STOM: variants seen among roughly 807,000 people sequenced by gnomAD.
The protein encoded by STOM is stomatin.
In STOM, 25 loss-of-function variants were observed where a neutral mutation model predicts 30.6. The ratio of observed to expected loss-of-function variants is 0.82; its 90% CI spans 0.60 to 1.14. The LOEUF is 1.14. Among genes scored for constraint, STOM ranks in the 50% most tolerant of loss-of-function variants. STOM has a pLI of 0.00. For synonymous variants in STOM, 118 were observed against 130.8 expected (o/e 0.90, Z 0.67); for missense variants, 292 against 365.2 (o/e 0.80, Z 1.63).
Position 121,340,442 on chromosome 9 carries a change from T to A in STOM, c.*760A>T. On this transcript the variant is annotated 3_prime_UTR_variant, in exon 7 of 7. Coordinates refer to ENST00000286713, the MANE Select transcript of STOM (RefSeq NM_004099.6). ...ATGAACATTAGGGAAATTTCCTTAA[T>A]TAAGACTCTCCAAACCAGGTGTGGT... is the stretch of plus-strand genomic sequence containing the variant. 4.1e-6 allele frequency: 4 copies of A among 985,396 alleles called. No individual in the cohort carries two copies. Among genetic ancestry groups the A allele is most frequent in the Non-Finnish European group, 4.8e-6 (4 of 829,934 alleles). The allele number at this position is 985,396 out of a possible 1,614,324, so 61.0% of individuals were successfully genotyped here.
chr9:121,339,802 G>A lies in STOM; in HGVS notation c.*1400C>T. 4 of 1,213,740 alleles carry A rather than the reference G, an allele frequency of 3.3e-6. No individual in the cohort carries two copies. In the South Asian group the frequency reaches 1.7e-4, roughly 52 times the overall value. The allele number at this position is 1,213,740 out of a possible 1,614,324, so 75.2% of individuals were successfully genotyped here. A position where few individuals can be genotyped will look rare whatever the true frequency, so the allele number is the denominator to read the frequency against. On this transcript the variant is annotated 3_prime_UTR_variant, in exon 7 of 7. Transcript: ENST00000286713. Reference sequence around the variant, plus strand: ...TTCCTCTTTCAGCATCAATATACATGATAGAAGAATGACTAGGTAAATTTA... The same window carrying A: ...TTCCTCTTTCAGCATCAATATACATAATAGAAGAATGACTAGGTAAATTTA...
Position 121,365,788 on chromosome 9 carries a change from CTTGACACTTAGGAAGTA to C in STOM, c.61+4322_61+4338del, listed in dbSNP as rs2064497451. ...ATAAAACGAGAAAATATGTAAAGGG[CTTGACACTTAGGAAGTA>C]TTCAACAAGCAGTAGCCATTATTAT... On this transcript the variant is annotated intron_variant, in intron 1 of 6. Coordinates refer to ENST00000286713, the MANE Select transcript of STOM (RefSeq NM_004099.6). 2.0e-5 allele frequency among the ~76,000 whole-genome samples: 3 copies of C among 152,234 alleles called. No homozygotes were observed. The South Asian group carries it at 6.2e-4, about 32-fold the overall frequency.
chr9:121,356,247 G>A (rs755240923), intron 1 of STOM, 91 bp from the exon 2 acceptor site: 3 of 1,035,248 alleles, frequency 2.9e-6, no homozygotes, highest in Non-Finnish European at 4.3e-6. Context: ...ATACCTATGT[G>A]CTTGGCACTA....
At chr9:121,359,145 T>A (rs536864702) in intron 1 of STOM, among the ~76,000 whole-genome samples, 13 of 152,290 alleles carry the variant, frequency 8.5e-5, no homozygotes, top group African/African-American at 2.9e-4. Context: ...AGAAAAGGTA[T>A]GCCAGGCACA....
rs1398082244 is a variant in STOM at position 121,339,507 on chromosome 9, G to C, written c.*1695C>G. The stretch of plus-strand genomic sequence containing the variant: ...TTCCTAAAATAAGCTTGAAATTGGG[G>C]TACAGGGGAAGGGACATCCATTGGC... On this transcript the variant is annotated 3_prime_UTR_variant, in exon 7 of 7. Transcript: ENST00000286713. The C allele has an allele frequency of 4.9e-6, 6 of 1,222,986 alleles. No homozygotes were observed. The highest frequency in any genetic ancestry group is 8.5e-5 in the South Asian group (2 of 23,458). 75.8% of individuals were successfully genotyped at this position (1,222,986 alleles called of 1,614,324 possible).
Position 121,341,103 on chromosome 9 carries a change from T to C in STOM, c.*99A>G. 1.3e-6 allele frequency: 2 copies of C among 1,576,152 alleles called. No homozygotes were observed. Among genetic ancestry groups the C allele is most frequent in the Non-Finnish European group, 1.7e-6 (2 of 1,160,604 alleles). ...GCTATACATTCTGGGAACACCACAA[T>C]TGACATATGGAAAAAGAAAAGCCCT... On this transcript the variant is annotated 3_prime_UTR_variant, in exon 7 of 7. Transcript: ENST00000286713.
intron 1 of STOM, among the ~76,000 whole-genome samples, chr9:121,360,265 CTT>C (rs1193780785): frequency 6.6e-6 from 1 of 152,080 alleles, no homozygotes; most frequent in African/African-American, 2.4e-5. Flanking sequence ...TCTTATGGCA[CTT>C]ATATCTTGTC....
rs1368537137 is a variant in STOM at position 121,353,303 on chromosome 9, C to T, written c.239-1G>A. On this transcript the variant is annotated splice_acceptor_variant, in intron 3 of 6. Coordinates refer to ENST00000286713, the MANE Select transcript of STOM (RefSeq NM_004099.6). LOFTEE classifies it high-confidence loss of function. ...GTGCATGGCAGAATAAAAAACAAAC[C>T]TGCAACAAAGATACACACATTATAC... is the stretch of plus-strand genomic sequence containing the variant. The T allele has an allele frequency of 1.9e-6, 3 of 1,600,536 alleles. No homozygotes were observed. Among genetic ancestry groups the T allele is most frequent in the South Asian group, 2.2e-5 (2 of 89,520 alleles).
intron 4 of STOM, 117 bp from the exon 5 acceptor site, chr9:121,349,440 T>C: frequency 1.3e-6 from 1 of 755,822 alleles, no homozygotes; most frequent in East Asian, 2.7e-5. Flanking sequence ...TAGTAAGGCA[T>C]CAGAAAGTTA....
At position 121,339,527 on chromosome 9, in the gene STOM, AT is replaced by A; in HGVS notation, c.*1674del. 4 of 1,229,276 alleles carry A rather than the reference AT, an allele frequency of 3.3e-6. No individual in the cohort carries two copies. Among genetic ancestry groups the A allele is most frequent in the Non-Finnish European group, 4.1e-6 (4 of 986,632 alleles). The allele number at this position is 1,229,276 out of a possible 1,614,324, so 76.1% of individuals were successfully genotyped here. On this transcript the variant is annotated 3_prime_UTR_variant, in exon 7 of 7. Coordinates refer to ENST00000286713, the MANE Select transcript of STOM (RefSeq NM_004099.6). The stretch of plus-strand genomic sequence containing the variant: ...TTGGGGTACAGGGGAAGGGACATCC[AT>A]TGGCTGGATGGACAGAGTGGTTGAG...
chr9:121,348,104 G>T lies in STOM; in HGVS notation c.571C>A (p.Arg191Ser), dbSNP rs766711234. 6.2e-7 allele frequency: 1 copy of T among 1,614,194 alleles called. No individual in the cohort carries two copies. Among genetic ancestry groups the T allele is most frequent in the East Asian group, 2.2e-5 (1 of 44,880 alleles). ...ATDAWGIKVE[R>S]VEIKDVKLPV... ...AGTTTCACATCCTTAATTTCCACAC[G>T]CTCCACCTTTATTCCCCAGGCATCA... The change falls in exon 6 of 7, where the codon CGT becomes AGT. Residue 191 changes from arginine to serine, a missense_variant. Transcript: ENST00000286713.
chr9:121,359,523 C>T (rs1244957631), intron 1 of STOM, among the ~76,000 whole-genome samples: 1 of 152,012 alleles, frequency 6.6e-6, no homozygotes, highest in Admixed American at 6.6e-5. Context: ...AAAGCTTTAT[C>T]TAGTATTACC....
At chr9:121,362,914 T>C (rs2064467115) in intron 1 of STOM, among the ~76,000 whole-genome samples, 1 of 152,212 alleles carries the variant, frequency 6.6e-6, no homozygotes, top group Non-Finnish European at 1.5e-5. Flanking sequence ...GGCTGATTAG[T>C]CCAGAGGGCT....
intron 1 of STOM, among the ~76,000 whole-genome samples, chr9:121,360,733 T>C (rs925564132): frequency 2.6e-5 from 4 of 152,212 alleles, no homozygotes; most frequent in African/African-American, 9.7e-5. Flanking sequence ...CTCAAAAAGT[T>C]CATTTATGAT....
intron 1 of STOM, chr9:121,369,845 A>G: frequency 7.4e-6 from 3 of 407,242 alleles, no homozygotes; most frequent in Admixed American, 3.9e-5. Flanking sequence ...GACACGAGAT[A>G]GTGCAGCCCT....
chr9:121,369,895 G>A (rs2134052144), intron 1 of STOM: 1 of 504,968 alleles, frequency 2.0e-6, no homozygotes, highest in Non-Finnish European at 3.6e-6. Context: ...AGATAACCAG[G>A]GCCCGTGCGA....
At chr9:121,349,432 G>A (rs957623892) in intron 4 of STOM, 109 bp from the exon 5 acceptor site, 5 of 858,680 alleles carry the variant, frequency 5.8e-6, no homozygotes, top group Non-Finnish European at 7.3e-6. Flanking sequence ...ATTTTCTTTA[G>A]TAAGGCATCA....
intron 1 of STOM, among the ~76,000 whole-genome samples, chr9:121,366,628 C>G (rs943654792): frequency 6.6e-6 from 1 of 152,146 alleles, no homozygotes; most frequent in Non-Finnish European, 1.5e-5. Flanking sequence ...AGAAAAACTG[C>G]TCCACCAACA....
At chr9:121,344,513 G>A (rs1002234559) in intron 6 of STOM, among the ~76,000 whole-genome samples, 5 of 152,122 alleles carry the variant, frequency 3.3e-5, no homozygotes, top group South Asian at 2.1e-4. Flanking sequence ...CAACACCACC[G>A]GCTTTGTCTA....
Sources: allele counts gnomAD v4.1 joint callset (sites outside exome capture counted in the v4.1 genomes callset), GRCh38; gene constraint gnomAD v4.1.1; transcripts MANE v1.5; gene names NCBI Gene and HGNC (gene_info 2026-07-23, HGNC 2026-07-21).